The following ITGAE variants were observed in gnomAD, a reference collection of about 807,000 sequenced individuals.
ITGAE encodes integrin subunit alpha E, also known as integrin alpha-E.
A neutral mutation model predicts 136.5 loss-of-function variants in ITGAE; 99 were observed. The observed-to-expected ratio is 0.73, with a 90% confidence interval of 0.62 to 0.86. The LOEUF (loss-of-function observed/expected upper bound fraction) is 0.86. Ranked by LOEUF, ITGAE falls within the 40% of genes least tolerant of loss-of-function variation. ITGAE has a pLI of 0.00. For synonymous variants in ITGAE, 613 were observed against 591.8 expected, an observed-to-expected ratio of 1.04 and a Z score of -0.52; for missense variants, 1,447 against 1,515.3, an observed-to-expected ratio of 0.95 and a Z score of 0.75.
At chr17:3,760,065 C>T (rs1036855665) in intron 7 of ITGAE, 107 bp downstream of exon 7, 3 of 709,062 alleles carry the variant, frequency 4.2e-6, no homozygotes, top group Middle Eastern at 5.2e-4. Context: ...TGAGCCCAGC[C>T]CAAGTATGTG....
intron 26 of ITGAE, chr17:3,724,351 C>G: frequency 6.3e-7 from 1 of 1,598,946 alleles, no homozygotes; most frequent in East Asian, 2.3e-5. Flanking sequence ...CCGCCCTTCC[C>G]CAGCCGCGAC....
chr17:3,726,480 G>T, intron 26 of ITGAE: 1 of 619,812 alleles, frequency 1.6e-6, no homozygotes, highest in Non-Finnish European at 2.9e-6. Context: ...GTTTCCAAAT[G>T]GAAACTGAAA....
chr17:3,761,295 C>T, intron 5 of ITGAE, 108 bp downstream of exon 5: 1 of 1,545,130 alleles, frequency 6.5e-7, no homozygotes, highest in Non-Finnish European at 8.7e-7. Context: ...TGCCTTGCTC[C>T]ACTGTGGGCC....
At chr17:3,773,470 C>T (rs1186266883) in intron 2 of ITGAE, among the ~76,000 whole-genome samples, 2 of 148,408 alleles carry the variant, frequency 1.3e-5, no homozygotes, top group Non-Finnish European at 3.0e-5. Context: ...GGTGGCAGAG[C>T]AAGACTCTGC....
chr17:3,719,323 G>A (rs1326351078), intron 29 of ITGAE, among the ~76,000 whole-genome samples: 2 of 151,562 alleles, frequency 1.3e-5, no homozygotes, highest in Admixed American at 1.3e-4. Flanking sequence ...CATGTCTAGA[G>A]AATTGCTCCT....
intron 17 of ITGAE, 126 bp downstream of exon 17, chr17:3,747,796 C>T (rs1390903671): frequency 4.4e-6 from 3 of 688,254 alleles, no homozygotes; most frequent in Non-Finnish European, 6.9e-6. Context: ...CGAGGGATTT[C>T]AAGCACCAGG....
chr17:3,732,458 A>G lies in ITGAE; in HGVS notation c.2664T>C (p.Ser888=). 1 of 1,613,844 alleles carries G rather than the reference A, an allele frequency of 6.2e-7. No individual in the cohort carries two copies. Residue 888 remains serine (S), a synonymous_variant, in exon 22 of 31, where the codon TCT becomes TCC. Coordinates refer to ENST00000263087, the MANE Select transcript of ITGAE (RefSeq NM_002208.5). The part of the protein sequence containing the change: ...LQLKRMQKPP[S]PNIQCDDPQP... Reference sequence around the variant, plus strand: ...GAGGGTCATCACACTGAATGTTTGGAGAGGGAGGCTGTTAAAAGAGCAGAT... The same window carrying G: ...GAGGGTCATCACACTGAATGTTTGGGGAGGGAGGCTGTTAAAAGAGCAGAT...
Position 3,761,128 on chromosome 17 carries a change from G to A in ITGAE, c.483C>T (p.Ser161=), listed in dbSNP as rs562296524. 1.2e-6 allele frequency: 2 copies of A among 1,613,290 alleles called. No individual in the cohort carries two copies. Among genetic ancestry groups the A allele is most frequent in the African/African-American group, 1.3e-5 (1 of 74,986 alleles). Reference sequence around the variant, plus strand: ...CGTCTTCTCCACCGCCTTCTTTGTTGCTGTAGCAGTCTCCAGTGTCCACAC... The same window carrying A: ...CGTCTTCTCCACCGCCTTCTTTGTTACTGTAGCAGTCTCCAGTGTCCACAC... The part of the protein sequence containing the change: ...DARVDTGDCY[S]NKEGGGEDDV... The change falls in exon 6 of 31, where the codon AGC becomes AGT. Residue 161 remains serine (S), a synonymous_variant. Coordinates refer to ENST00000263087, the MANE Select transcript of ITGAE (RefSeq NM_002208.5).
rs537272374 is a variant in ITGAE, at chr17:3,787,018, T to C, written c.35-9358A>G. 4.6e-5 allele frequency among the ~76,000 whole-genome samples: 7 copies of C among 151,864 alleles called. No individual in the cohort carries two copies. The East Asian group carries it at 1.2e-3, about 25-fold the overall frequency. ...ACAGGAAATAAAGGATTAAAAATCATATGATTATGATAGATGCAGAAAATG... is the reference window on the plus strand; with the variant it reads ...ACAGGAAATAAAGGATTAAAAATCACATGATTATGATAGATGCAGAAAATG... On this transcript the variant is annotated intron_variant, in intron 1 of 30. Transcript: ENST00000263087.
At chr17:3,785,155 A>C (rs2052753829) in intron 1 of ITGAE, among the ~76,000 whole-genome samples, 1 of 151,904 alleles carries the variant, frequency 6.6e-6, no homozygotes, top group African/African-American at 2.4e-5. Context: ...CCATGTAAAA[A>C]AAAGAAAAAA....
Position 3,723,744 on chromosome 17 carries a change from C to T in ITGAE, c.3085G>A (p.Ala1029Thr), listed in dbSNP as rs1405501233. 1.9e-6 allele frequency: 3 copies of T among 1,607,218 alleles called. No individual in the cohort carries two copies. Among genetic ancestry groups the T allele is most frequent in the Non-Finnish European group, 2.5e-6 (3 of 1,177,138 alleles). Residue 1029 changes from alanine (A) to threonine (T), a missense_variant and splice_region_variant, in exon 27 of 31, where the codon GCC becomes ACC. Ala to Thr is a moderately conservative substitution (Grantham distance 58). This residue lies in a region of ITGAE where 1,031 missense variants were observed against 1,011.4 expected (regional missense o/e 1.02). Transcript: ENST00000263087. ...TGACTCCAGGTGCACACCGTGGAGG[C>T]CTGAAACGAGAGCCATGACCGCGAC... is the stretch of plus-strand genomic sequence containing the variant. The part of the protein sequence containing the change: ...VAVKKLTRTQ[A>T]STVCTWSQER...
At chr17:3,788,755 A>T (rs1280843613) in intron 1 of ITGAE, among the ~76,000 whole-genome samples, 1 of 142,156 alleles carries the variant, frequency 7.0e-6, no homozygotes, top group Non-Finnish European at 1.6e-5. Context: ...ATAATTATTT[A>T]AAAATAATAA....
At chr17:3,792,434 T>A (rs1347244677) in intron 1 of ITGAE, among the ~76,000 whole-genome samples, 1 of 152,184 alleles carries the variant, frequency 6.6e-6, no homozygotes, top group Non-Finnish European at 1.5e-5. Context: ...TATATTTTAT[T>A]CCTTTTTCTT....
intron 2 of ITGAE, among the ~76,000 whole-genome samples, chr17:3,768,396 A>T (rs1210336390): frequency 2.0e-5 from 3 of 152,060 alleles, no homozygotes; most frequent in Non-Finnish European, 4.4e-5. Context: ...AACTGCTGGG[A>T]GTGAGCCTAG....
intron 14 of ITGAE, 47 bp from the exon 15 acceptor site, chr17:3,751,921 G>T: frequency 6.6e-7 from 1 of 1,519,036 alleles, no homozygotes; most frequent in Non-Finnish European, 9.1e-7. Context: ...GGTGCTAGGT[G>T]CCCACTCCAT....
intron 2 of ITGAE, among the ~76,000 whole-genome samples, chr17:3,772,763 A>G (rs1340036497): frequency 1.3e-5 from 2 of 152,000 alleles, no homozygotes; most frequent in Non-Finnish European, 2.9e-5. Flanking sequence ...CGCGCCTGGC[A>G]GTGACCAGAC....
At position 3,766,836 on chromosome 17, in the gene ITGAE, AT is replaced by A. The variant is rs1264337585; in HGVS notation, c.156-2877del. 4.9e-4 allele frequency among the ~76,000 whole-genome samples: 69 copies of A among 140,598 alleles called. No homozygotes were observed. In the South Asian group the frequency reaches 7.8e-3, roughly 16 times the overall value. The allele number at this position is 140,598 out of a possible 152,430, so 92.2% of individuals were successfully genotyped here. A position where few individuals can be genotyped will look rare whatever the true frequency, so the allele number is the denominator to read the frequency against. ...AATAATAATAATAATAATAATAATAATAATAATAATAAACCTGTGTTGTTGT... is the reference window on the plus strand; with the variant it reads ...AATAATAATAATAATAATAATAATAAAATAATAATAAACCTGTGTTGTTGT... On this transcript the variant is annotated intron_variant, in intron 2 of 30. Transcript: ENST00000263087.
chr17:3,783,011 T>G lies in ITGAE; in HGVS notation c.35-5351A>C, dbSNP rs371544735. Among the ~76,000 whole-genome samples, 53 of 152,354 alleles carry G rather than the reference T, an allele frequency of 3.5e-4. 1 individual carries two copies. In the South Asian group the frequency reaches 8.3e-3, roughly 24 times the overall value. On this transcript the variant is annotated intron_variant, in intron 1 of 30. Transcript: ENST00000263087. ...TTTTGCTGATGTATGTCGATTGAGA[T>G]GGCTGAAGATTCTATGATTCTGAAG... is the stretch of plus-strand genomic sequence containing the variant.
intron 26 of ITGAE, chr17:3,724,202 G>T: frequency 6.3e-7 from 1 of 1,593,240 alleles, no homozygotes; most frequent in South Asian, 1.1e-5. Context: ...GAGTGCCCAA[G>T]GACCGGCCCA....
Sources: allele counts gnomAD v4.1 joint callset (sites outside exome capture counted in the v4.1 genomes callset), GRCh38; gene constraint gnomAD v4.1.1; regional missense constraint gnomAD v4.1.1; transcripts MANE v1.5; gene names NCBI Gene and HGNC (gene_info 2026-07-23, HGNC 2026-07-21).